Variants in FHIT observed in about 807,000 individuals in gnomAD.
FHIT encodes the protein fragile histidine triad diadenosine triphosphatase.
In FHIT, 19 loss-of-function variants were observed where a neutral mutation model predicts 17.9. The observed-to-expected ratio is 1.06, with a 90% CI of 0.74 to 1.56. The LOEUF (loss-of-function observed/expected upper bound fraction) is 1.56. Among genes scored for constraint, FHIT ranks in the 40% most tolerant of loss-of-function variants. The pLI, the probability that FHIT is intolerant of heterozygous loss-of-function variation, is 0.00. For missense variants in FHIT, 248 were observed against 189.2 expected (o/e 1.31, Z -1.82); for synonymous variants, 81 against 69.7 (o/e 1.16, Z -0.81).
intron 5 of FHIT, among the ~76,000 whole-genome samples, chr3:60,402,150 A>AG (rs899309804): frequency 3.3e-5 from 5 of 152,330 alleles, no homozygotes; most frequent in African/African-American, 1.2e-4. Flanking sequence ...GGATTTAAAG[A>AG]GAAAAAAAGA....
chr3:60,368,112 C>A (rs1414963849), intron 5 of FHIT, among the ~76,000 whole-genome samples: 2 of 148,900 alleles, frequency 1.3e-5, no homozygotes, highest in Non-Finnish European at 3.0e-5. Context: ...ATTTGTGTAG[C>A]AAAACTTCTG....
chr3:59,841,993 C>T (rs1268881078), intron 8 of FHIT, among the ~76,000 whole-genome samples: 2 of 152,100 alleles, frequency 1.3e-5, no homozygotes, highest in Non-Finnish European at 2.9e-5. Flanking sequence ...ACAATTGCCA[C>T]CAACCATGTG....
At chr3:59,847,854 G>A (rs574115490) in intron 8 of FHIT, among the ~76,000 whole-genome samples, 54 of 152,278 alleles carry the variant, frequency 3.5e-4, no homozygotes, top group East Asian at 5.8e-4. Flanking sequence ...AACATGCACA[G>A]TAGCTATCTA....
At chr3:59,924,547 G>A (rs534107570) in intron 7 of FHIT, among the ~76,000 whole-genome samples, 1 of 152,268 alleles carries the variant, frequency 6.6e-6, no homozygotes, top group East Asian at 1.9e-4. Context: ...ACCATGTGCT[G>A]AGCATTCAGC....
chr3:59,767,757 C>T (rs1025463227), intron 8 of FHIT, among the ~76,000 whole-genome samples: 5 of 152,170 alleles, frequency 3.3e-5, no homozygotes, highest in Admixed American at 1.3e-4. Context: ...ATCCATGGTG[C>T]TGTCATTTCC....
intron 3 of FHIT, among the ~76,000 whole-genome samples, chr3:60,878,799 C>T (rs534759396): frequency 5.3e-5 from 8 of 152,200 alleles, no homozygotes; most frequent in African/African-American, 1.2e-4. Flanking sequence ...TTCATCCATG[C>T]CCCTACAAAG....
At chr3:60,577,050 T>A (rs2107673376) in intron 4 of FHIT, among the ~76,000 whole-genome samples, 1 of 151,878 alleles carries the variant, frequency 6.6e-6, no homozygotes, top group Admixed American at 6.6e-5. Context: ...AGAGATCTAA[T>A]TATGGAAAAA....
intron 2 of FHIT, among the ~76,000 whole-genome samples, chr3:61,143,986 C>A (rs1209205929): frequency 6.6e-6 from 1 of 152,170 alleles, no homozygotes; most frequent in Non-Finnish European, 1.5e-5. Context: ...GTCATGCTAA[C>A]ATAATAAATG....
chr3:61,157,896 C>T (rs1002658259), intron 2 of FHIT, among the ~76,000 whole-genome samples: 1 of 151,934 alleles, frequency 6.6e-6, no homozygotes, highest in African/African-American at 2.4e-5. Flanking sequence ...TTACCTCTTA[C>T]GAAGAGGTAG....
chr3:60,703,988 T>C (rs532212357), intron 4 of FHIT, among the ~76,000 whole-genome samples: 1 of 150,198 alleles, frequency 6.7e-6, no homozygotes, highest in African/African-American at 2.5e-5. Flanking sequence ...GGCTATAAAA[T>C]TTTTTTTTAA....
At chr3:60,210,528 A>T (rs1703400139) in intron 5 of FHIT, among the ~76,000 whole-genome samples, 4 of 78 alleles carry the variant, frequency 0.051, no homozygotes, top group Admixed American at 0.25. Flanking sequence ...AATCCCCAAT[A>T]TACACCAGGG....
intron 5 of FHIT, among the ~76,000 whole-genome samples, chr3:60,244,888 T>A (rs1705313600): frequency 6.6e-6 from 1 of 152,152 alleles, no homozygotes; most frequent in African/African-American, 2.4e-5. Flanking sequence ...GAACAAATTA[T>A]TACTGTCTGT....
At chr3:60,015,473 C>T (rs927735250) in intron 5 of FHIT, among the ~76,000 whole-genome samples, 13 of 152,176 alleles carry the variant, frequency 8.5e-5, no homozygotes, top group African/African-American at 2.4e-4. Context: ...TTGGCAGGCC[C>T]GCTTTATTAT....
intron 9 of FHIT, 122 bp from the exon 10 acceptor site, chr3:59,749,701 G>A: frequency 4.3e-6 from 1 of 230,328 alleles, no homozygotes; most frequent in Admixed American, 5.6e-5. Flanking sequence ...TTACGAAGAA[G>A]TGGGCCAAAG....
chr3:60,412,570 G>A (rs1380466), intron 5 of FHIT, among the ~76,000 whole-genome samples: 30,392 of 151,812 alleles, frequency 0.2, 3,787 homozygotes, highest in East Asian at 0.48. Flanking sequence ...ATTGACCACC[G>A]AAGAAAAGCC....
chr3:60,569,667 C>T (rs906693174), intron 4 of FHIT, among the ~76,000 whole-genome samples: 1 of 148,196 alleles, frequency 6.7e-6, no homozygotes, highest in East Asian at 2.0e-4. Flanking sequence ...CATTTATACT[C>T]AATGGCAGTA....
At chr3:60,110,282 G>C (rs1415791202) in intron 5 of FHIT, among the ~76,000 whole-genome samples, 2 of 152,066 alleles carry the variant, frequency 1.3e-5, no homozygotes, top group Non-Finnish European at 2.9e-5. Flanking sequence ...CTCTAAGCAG[G>C]GTAAGTGGGC....
intron 8 of FHIT, among the ~76,000 whole-genome samples, chr3:59,853,964 A>C (rs1702047523): frequency 6.6e-6 from 1 of 152,190 alleles, no homozygotes; most frequent in South Asian, 2.1e-4. Context: ...CCAATAGATA[A>C]AGTCATCAGG....
intron 5 of FHIT, among the ~76,000 whole-genome samples, chr3:60,121,063 T>C (rs1705224052): frequency 6.6e-6 from 1 of 152,152 alleles, no homozygotes; most frequent in African/African-American, 2.4e-5. Flanking sequence ...TGAAATCTTC[T>C]TGTGATTTCA....
Sources: gnomAD v4.1 joint callset for allele counts (sites outside exome capture counted in the v4.1 genomes callset) on GRCh38, gnomAD v4.1.1 for gene constraint, MANE v1.5 for transcripts, NCBI Gene and HGNC (gene_info 2026-07-23, HGNC 2026-07-21) for gene names.